Variants in HMGB1 observed in about 807,000 individuals in gnomAD.
HMGB1 encodes high mobility group protein B1.
For synonymous variants in HMGB1, 81 were observed against 84.0 expected (o/e 0.96, Z 0.19); for missense variants, 79 against 253.5 (o/e 0.31, Z 4.67).
Position 30,499,934 on chromosome 13 carries a change from C to T in HMGB1, c.-14-36240G>A, listed in dbSNP as rs148882415. The stretch of plus-strand genomic sequence containing the variant: ...TCCTCGGGCCTGGGGAAATGTGTCT[C>T]CCCAAAGTTCCTGTCTTGGAAGCTT... On this transcript the variant is annotated intron_variant, in intron 1 of 4. Coordinates refer to the HMGB1 transcript ENST00000405805. Among the ~76,000 whole-genome samples, 9 of 152,264 alleles carry T rather than the reference C, an allele frequency of 5.9e-5. No individual in the cohort carries two copies. The East Asian group carries it at 1.7e-3, about 29-fold the overall frequency.
intron 1 of HMGB1, chr13:30,465,127 C>T: frequency 1.0e-6 from 1 of 971,480 alleles, no homozygotes; most frequent in Non-Finnish European, 1.2e-6. Flanking sequence ...TCTCTCCAGC[C>T]AGCAGCGCCG....
chr13:30,465,870 T>C lies in HMGB1; in HGVS notation c.-89A>G, dbSNP rs914799177. ...CCGGTGCTGTCTCTATGGAGCTCAA[T>C]GTACTGCAATGGCTGTGAGAGCGGG... On this transcript the variant is annotated 5_prime_UTR_variant, in exon 1 of 5. Transcript: ENST00000341423. The C allele has an allele frequency of 8.1e-6, 8 of 985,794 alleles. No individual in the cohort carries two copies. Among genetic ancestry groups the C allele is most frequent in the African/African-American group, 1.7e-5 (1 of 57,358 alleles). The allele number at this position is 985,794 out of a possible 1,614,324, so 61.1% of individuals were successfully genotyped here. A position where few individuals can be genotyped will look rare whatever the true frequency, so the allele number is the denominator to read the frequency against.
chr13:30,594,195 A>G (rs993102817), intron 1 of HMGB1, among the ~76,000 whole-genome samples: 3 of 152,226 alleles, frequency 2.0e-5, no homozygotes, highest in African/African-American at 7.2e-5. Context: ...TGAAATCTTT[A>G]TTTTTAAATT....
intron 1 of HMGB1, among the ~76,000 whole-genome samples, chr13:30,481,843 T>TC (rs1887235580): frequency 6.6e-6 from 1 of 151,506 alleles, no homozygotes; most frequent in African/African-American, 2.4e-5. Context: ...AAGTCTTTCT[T>TC]TTTTTTTTCT....
At chr13:30,532,154 T>C (rs1027533908) in intron 1 of HMGB1, among the ~76,000 whole-genome samples, 1 of 151,614 alleles carries the variant, frequency 6.6e-6, no homozygotes, top group African/African-American at 2.4e-5. Flanking sequence ...CTGATCAACA[T>C]GGTGAAACCC....
At chr13:30,511,047 T>C (rs1036870710) in intron 1 of HMGB1, among the ~76,000 whole-genome samples, 3 of 152,174 alleles carry the variant, frequency 2.0e-5, no homozygotes, top group Admixed American at 6.6e-5. Flanking sequence ...CTATTACTCA[T>C]CACACTGAGG....
intron 1 of HMGB1, among the ~76,000 whole-genome samples, chr13:30,516,420 A>G (rs776749598): frequency 6.6e-6 from 1 of 152,220 alleles, no homozygotes; most frequent in Non-Finnish European, 1.5e-5. Context: ...TTAACAAAAT[A>G]CCCATACAGC....
At chr13:30,564,278 CAAA>C (rs60208654) in intron 1 of HMGB1, among the ~76,000 whole-genome samples, 33,119 of 105,764 alleles carry the variant, frequency 0.31, 4,055 homozygotes, top group South Asian at 0.44. Flanking sequence ...ACTAAAAATG[CAAA>C]AAAAAAAAAA....
intron 1 of HMGB1, among the ~76,000 whole-genome samples, chr13:30,499,716 T>A (rs7986442): frequency 0.48 from 73,003 of 152,156 alleles, 19,078 homozygotes; most frequent in Non-Finnish European, 0.57. Context: ...TCTTAGGATC[T>A]TAAGACCAAA....
chr13:30,479,289 G>A (rs185371420), intron 1 of HMGB1, among the ~76,000 whole-genome samples: 1 of 152,220 alleles, frequency 6.6e-6, no homozygotes, highest in East Asian at 1.9e-4. Context: ...TCTTAGAGGC[G>A]TTTTAAACAC....
intron 1 of HMGB1, among the ~76,000 whole-genome samples, chr13:30,490,296 G>A (rs1287466764): frequency 6.6e-6 from 1 of 152,116 alleles, no homozygotes; most frequent in Non-Finnish European, 1.5e-5. Flanking sequence ...TCTACAAAGA[G>A]TCATATGAGA....
chr13:30,474,722 T>A (rs1887026278), intron 1 of HMGB1, among the ~76,000 whole-genome samples: 1 of 147,500 alleles, frequency 6.8e-6, no homozygotes, highest in Admixed American at 6.7e-5. Context: ...ACCACTGCAC[T>A]CCAGCCTGGG....
At chr13:30,492,719 G>T (rs905077298) in intron 1 of HMGB1, among the ~76,000 whole-genome samples, 1 of 152,048 alleles carries the variant, frequency 6.6e-6, no homozygotes, top group Non-Finnish European at 1.5e-5. Flanking sequence ...GGCCGGGCAC[G>T]CTGGCTCATG....
At chr13:30,584,584 T>C in intron 1 of HMGB1, among the ~76,000 whole-genome samples, 1 of 152,356 alleles carries the variant, frequency 6.6e-6, no homozygotes, top group Non-Finnish European at 1.5e-5. Context: ...AAGTACTTAA[T>C]AAAAATTTGT....
intron 1 of HMGB1, among the ~76,000 whole-genome samples, chr13:30,582,593 G>A (rs923624140): frequency 6.6e-6 from 1 of 151,744 alleles, no homozygotes; most frequent in Admixed American, 6.6e-5. Flanking sequence ...AGCTGAGATC[G>A]TGCCACTGCA....
chr13:30,573,934 G>A (rs536631211), intron 1 of HMGB1, among the ~76,000 whole-genome samples: 65 of 152,260 alleles, frequency 4.3e-4, no homozygotes, highest in Non-Finnish European at 6.8e-4. Flanking sequence ...GATTACAGGC[G>A]TGAGCCACCG....
intron 1 of HMGB1, among the ~76,000 whole-genome samples, chr13:30,529,744 T>C (rs773861686): frequency 2.6e-5 from 4 of 152,216 alleles, no homozygotes; most frequent in Non-Finnish European, 5.9e-5. Context: ...CCAGGCGGAT[T>C]CAGGGATGCT....
intron 1 of HMGB1, chr13:30,554,527 G>A: frequency 1.2e-6 from 1 of 856,170 alleles, no homozygotes; most frequent in Admixed American, 1.8e-5. Context: ...CTAGTATACA[G>A]AAACGGTGGA....
intron 1 of HMGB1, among the ~76,000 whole-genome samples, chr13:30,581,755 T>G (rs983208347): frequency 1.3e-5 from 2 of 152,156 alleles, no homozygotes; most frequent in African/African-American, 4.8e-5. Context: ...GCAGGCAAAG[T>G]CAGAATTTTC....
Sources: gnomAD v4.1 joint callset for allele counts (sites outside exome capture counted in the v4.1 genomes callset) on GRCh38, gnomAD v4.1.1 for gene constraint, MANE v1.5 for transcripts, NCBI Gene and HGNC (gene_info 2026-07-23, HGNC 2026-07-21) for gene names.